The following CNBD1 variants were observed in gnomAD, a reference collection of about 807,000 sequenced individuals.
CNBD1 encodes the protein cyclic nucleotide-binding domain-containing protein 1.
In CNBD1, 71 loss-of-function variants were observed where a neutral mutation model predicts 54.4. The observed-to-expected ratio is 1.30, with a 90% CI of 1.08 to 1.59. CNBD1 has a LOEUF of 1.59. Among genes scored for constraint, CNBD1 ranks in the 40% most tolerant of loss-of-function variants. The probability of loss-of-function intolerance (pLI) is 0.00; values close to 1 mark genes in which losing one functional copy is unlikely to be tolerated. For synonymous variants in CNBD1, 182 were observed against 170.7 expected, an observed-to-expected ratio of 1.07 and a Z score of -0.51; for missense variants, 659 against 518.0, an observed-to-expected ratio of 1.27 and a Z score of -2.64.
intron 8 of CNBD1, among the ~76,000 whole-genome samples, chr8:87,312,690 A>G (rs939469967): frequency 2.0e-5 from 3 of 152,072 alleles, no homozygotes; most frequent in Non-Finnish European, 4.4e-5. Context: ...AGCTTTAATG[A>G]AAATAGTATT....
chr8:87,243,559 C>G (rs968207445), intron 6 of CNBD1, among the ~76,000 whole-genome samples: 1 of 152,112 alleles, frequency 6.6e-6, no homozygotes, highest in African/African-American at 2.4e-5. Flanking sequence ...CAGATTCATT[C>G]CTGGTATGGT....
chr8:87,391,939 A>C (rs181817558), intron 2 of CNBD1, among the ~76,000 whole-genome samples: 1 of 152,214 alleles, frequency 6.6e-6, no homozygotes, highest in African/African-American at 2.4e-5. Context: ...AATTTCTATG[A>C]CAAAGACTTT....
intron 4 of CNBD1, among the ~76,000 whole-genome samples, chr8:86,981,345 T>A (rs902098824): frequency 2.0e-5 from 3 of 152,202 alleles, no homozygotes; most frequent in Non-Finnish European, 2.9e-5. Flanking sequence ...AAATTTCTGG[T>A]TTTTCCCTCT....
At chr8:87,347,310 A>G (rs914339609) in intron 8 of CNBD1, among the ~76,000 whole-genome samples, 4 of 152,198 alleles carry the variant, frequency 2.6e-5, no homozygotes, top group Non-Finnish European at 4.4e-5. Flanking sequence ...TATGCTCAAG[A>G]AAACCTTTGT....
chr8:87,377,897 T>C (rs1810985051), intron 10 of CNBD1, among the ~76,000 whole-genome samples: 1 of 151,282 alleles, frequency 6.6e-6, no homozygotes, highest in African/African-American at 2.5e-5. Context: ...ATTTCTCTGA[T>C]GGCCAGTGAT....
At chr8:87,321,649 T>C (rs568044896) in intron 8 of CNBD1, among the ~76,000 whole-genome samples, 83 of 152,234 alleles carry the variant, frequency 5.5e-4, no homozygotes, top group African/African-American at 1.9e-3. Context: ...GCTGCCTTTT[T>C]CTCTATTGAT....
chr8:87,314,958 C>A (rs1487527681), intron 8 of CNBD1, among the ~76,000 whole-genome samples: 1 of 151,910 alleles, frequency 6.6e-6, no homozygotes, highest in Non-Finnish European at 1.5e-5. Flanking sequence ...ATTCATTAGC[C>A]CAACGTAAAC....
chr8:87,382,858 T>C lies in CNBD1; in HGVS notation c.*231T>C, dbSNP rs1429352841. 1 of 402,802 alleles carries C rather than the reference T, an allele frequency of 2.5e-6. No individual in the cohort carries two copies. Among genetic ancestry groups the C allele is most frequent in the Non-Finnish European group, 4.5e-6 (1 of 223,750 alleles). The allele number at this position is 402,802 out of a possible 1,614,324, so 25.0% of individuals were successfully genotyped here. On this transcript the variant is annotated 3_prime_UTR_variant, in exon 11 of 11. Transcript: ENST00000518476. ...TAAATATAGTTATCATTGCTTGATT[T>C]ACCTCTGTTGATACGAAGGTTTTCT...
At chr8:86,989,178 G>A (rs894565894) in intron 4 of CNBD1, among the ~76,000 whole-genome samples, 4 of 152,102 alleles carry the variant, frequency 2.6e-5, no homozygotes, top group African/African-American at 9.7e-5. Context: ...AAGCTGAGGT[G>A]AGAGGATCAT....
intron 10 of CNBD1, among the ~76,000 whole-genome samples, chr8:87,357,158 C>T (rs945371644): frequency 6.6e-6 from 1 of 152,180 alleles, no homozygotes. Flanking sequence ...AAGGCTCCTG[C>T]AGGGGCCCCA....
At chr8:87,198,683 C>T (rs1222417050) in intron 4 of CNBD1, among the ~76,000 whole-genome samples, 1 of 152,092 alleles carries the variant, frequency 6.6e-6, no homozygotes, top group African/African-American at 2.4e-5. Flanking sequence ...GAAGCATTTA[C>T]AGAAATATTT....
chr8:87,151,129 G>A (rs1360667823), intron 4 of CNBD1, among the ~76,000 whole-genome samples: 9 of 152,160 alleles, frequency 5.9e-5, no homozygotes, highest in Non-Finnish European at 1.5e-5. Flanking sequence ...AAAGACTGCA[G>A]GTACCTTGGT....
intron 4 of CNBD1, among the ~76,000 whole-genome samples, chr8:86,963,437 C>G (rs914477357): frequency 4.6e-5 from 7 of 152,160 alleles, no homozygotes; most frequent in Non-Finnish European, 1.0e-4. Context: ...CAAACTGAAG[C>G]TTCGGAGAAA....
chr8:86,944,370 A>C (rs1807415307), intron 4 of CNBD1, among the ~76,000 whole-genome samples: 1 of 152,206 alleles, frequency 6.6e-6, no homozygotes, highest in African/African-American at 2.4e-5. Flanking sequence ...AATGTAAGAG[A>C]TACTAAACAC....
intron 10 of CNBD1, among the ~76,000 whole-genome samples, chr8:87,363,999 T>G (rs1247235485): frequency 6.6e-6 from 1 of 152,008 alleles, no homozygotes; most frequent in Non-Finnish European, 1.5e-5. Flanking sequence ...TGAAAAAGTT[T>G]TAGACAAATC....
At chr8:87,410,340 A>C (rs997156644) in intron 2 of CNBD1, among the ~76,000 whole-genome samples, 1 of 152,158 alleles carries the variant, frequency 6.6e-6, no homozygotes, top group African/African-American at 2.4e-5. Flanking sequence ...GATTCCTCTG[A>C]TGGTTCTGAG....
chr8:87,079,581 A>G (rs1810945282), intron 4 of CNBD1, among the ~76,000 whole-genome samples: 1 of 152,110 alleles, frequency 6.6e-6, no homozygotes, highest in Non-Finnish European at 1.5e-5. Flanking sequence ...GATATTGAGA[A>G]TCTTTTCGTG....
At chr8:87,102,826 G>A (rs923526815) in intron 4 of CNBD1, among the ~76,000 whole-genome samples, 1 of 152,056 alleles carries the variant, frequency 6.6e-6, no homozygotes, top group Non-Finnish European at 1.5e-5. Context: ...GTATTAGCCA[G>A]GATGGTCTCA....
intron 4 of CNBD1, among the ~76,000 whole-genome samples, chr8:87,114,714 G>A (rs192996209): frequency 1.3e-5 from 2 of 152,238 alleles, no homozygotes; most frequent in Admixed American, 6.5e-5. Context: ...ATGAACCTTT[G>A]CAAGTACCGT....
Sources: allele counts gnomAD v4.1 joint callset (sites outside exome capture counted in the v4.1 genomes callset), GRCh38; gene constraint gnomAD v4.1.1; transcripts MANE v1.5; gene names NCBI Gene and HGNC (gene_info 2026-07-23, HGNC 2026-07-21).